Variants in KYNU observed in about 807,000 individuals in gnomAD.
KYNU encodes L-kynurenine hydrolase.
KYNU carries 54 observed loss-of-function variants against 59.2 expected under a neutral mutation model. That is an observed-to-expected ratio of 0.91 (90% CI 0.73 to 1.14). The LOEUF (loss-of-function observed/expected upper bound fraction) is 1.14. Among genes scored for constraint, KYNU ranks in the 50% most tolerant of loss-of-function variants. KYNU has a pLI of 0.00. For synonymous variants in KYNU, 177 were observed against 192.0 expected, an observed-to-expected ratio of 0.92 and a Z score of 0.65; for missense variants, 567 against 554.4, an observed-to-expected ratio of 1.02 and a Z score of -0.23.
intron 10 of KYNU, among the ~76,000 whole-genome samples, chr2:143,006,054 C>T (rs1434170175): frequency 6.6e-6 from 1 of 152,120 alleles, no homozygotes; most frequent in African/African-American, 2.4e-5. Context: ...AGGGAGGAGC[C>T]AAGATGGCCG....
chr2:142,906,036 C>T (rs1335073619), intron 2 of KYNU, among the ~76,000 whole-genome samples: 2 of 151,220 alleles, frequency 1.3e-5, no homozygotes, highest in African/African-American at 4.9e-5. Context: ...CTTTCTCTCC[C>T]TTTTCTCTCT....
intron 10 of KYNU, among the ~76,000 whole-genome samples, chr2:142,991,013 A>T (rs1685384258): frequency 6.6e-6 from 1 of 151,930 alleles, no homozygotes; most frequent in Non-Finnish European, 1.5e-5. Flanking sequence ...ATATGCATCA[A>T]ACAATTCCCA....
chr2:142,943,350 A>G (rs151112488), intron 4 of KYNU, among the ~76,000 whole-genome samples: 3,310 of 152,340 alleles, frequency 0.022, 50 homozygotes, highest in Middle Eastern at 0.034. Flanking sequence ...AATTTTAAAA[A>G]GAAGTTACCA....
chr2:142,997,829 C>T (rs1264960036), intron 10 of KYNU, among the ~76,000 whole-genome samples: 1 of 152,034 alleles, frequency 6.6e-6, no homozygotes, highest in African/African-American at 2.4e-5. Context: ...TCATATTGAG[C>T]ATTTTGCTAT....
At chr2:142,949,156 T>C (rs1683901525) in intron 4 of KYNU, among the ~76,000 whole-genome samples, 1 of 152,192 alleles carries the variant, frequency 6.6e-6, no homozygotes. Flanking sequence ...CTTGGGCAGC[T>C]CCACCCCTGT....
chr2:142,999,007 CAAAAAAAAAAAAAA>C (rs59742828), intron 10 of KYNU, among the ~76,000 whole-genome samples: 17,201 of 63,884 alleles, frequency 0.27, 1,456 homozygotes, highest in South Asian at 0.44. Flanking sequence ...GACTCCGTCT[CAAAAAAAAAAAAAA>C]AAAAAAAAAA....
chr2:142,978,183 C>G (rs1684944267), intron 8 of KYNU, among the ~76,000 whole-genome samples: 1 of 152,136 alleles, frequency 6.6e-6, no homozygotes, highest in African/African-American at 2.4e-5. Flanking sequence ...TATTGCTAAT[C>G]ATTTATTCCT....
intron 10 of KYNU, among the ~76,000 whole-genome samples, chr2:143,016,287 T>C (rs1197744006): frequency 6.6e-6 from 1 of 152,234 alleles, no homozygotes; most frequent in African/African-American, 2.4e-5. Flanking sequence ...TATTCAGCTG[T>C]ATTTCAAATT....
chr2:142,892,576 C>T (rs542143827), intron 2 of KYNU, among the ~76,000 whole-genome samples: 99 of 152,036 alleles, frequency 6.5e-4, no homozygotes, highest in African/African-American at 2.2e-3. Context: ...TAAATGAGTG[C>T]GTGTGGGTAC....
intron 8 of KYNU, among the ~76,000 whole-genome samples, chr2:142,977,081 T>C (rs1684906254): frequency 6.6e-6 from 1 of 152,054 alleles, no homozygotes; most frequent in African/African-American, 2.4e-5. Flanking sequence ...CTTATCAGAC[T>C]TATGGTCTGT....
At chr2:142,916,113 G>T (rs1372255150) in intron 2 of KYNU, among the ~76,000 whole-genome samples, 1 of 152,090 alleles carries the variant, frequency 6.6e-6, no homozygotes, top group African/African-American at 2.4e-5. Context: ...CTGCAAAATT[G>T]TAAGACAATA....
At chr2:142,963,987 G>A (rs1458809647) in intron 8 of KYNU, among the ~76,000 whole-genome samples, 1 of 152,006 alleles carries the variant, frequency 6.6e-6, no homozygotes, top group East Asian at 1.9e-4. Context: ...TTTGGATTTT[G>A]GAGCCTTTCA....
intron 2 of KYNU, among the ~76,000 whole-genome samples, chr2:142,905,762 G>T (rs1367378295): frequency 6.6e-6 from 1 of 152,146 alleles, no homozygotes; most frequent in Non-Finnish European, 1.5e-5. Context: ...GCCATTTGTG[G>T]GTTACTGGGT....
At chr2:142,964,288 A>G (rs1171895701) in intron 8 of KYNU, among the ~76,000 whole-genome samples, 3 of 152,146 alleles carry the variant, frequency 2.0e-5, no homozygotes, top group African/African-American at 7.2e-5. Flanking sequence ...ATACATTCAT[A>G]TACATTTCTG....
chr2:142,912,460 A>G (rs1281441775), intron 2 of KYNU, among the ~76,000 whole-genome samples: 1 of 145,612 alleles, frequency 6.9e-6, no homozygotes, highest in African/African-American at 2.6e-5. Flanking sequence ...GCTCACCACA[A>G]CCTCTGCATC....
chr2:143,039,019 A>G (rs1686964078), intron 12 of KYNU, among the ~76,000 whole-genome samples: 3 of 152,096 alleles, frequency 2.0e-5, no homozygotes, highest in South Asian at 2.1e-4. Context: ...ATAAGCCAGA[A>G]AAGCACATCT....
chr2:142,911,647 G>C (rs934168421), intron 2 of KYNU, among the ~76,000 whole-genome samples: 3 of 152,142 alleles, frequency 2.0e-5, no homozygotes, highest in African/African-American at 7.2e-5. Context: ...AATACCTCCA[G>C]CTTTTATTCA....
intron 8 of KYNU, among the ~76,000 whole-genome samples, chr2:142,973,268 T>C (rs1684786114): frequency 6.6e-6 from 1 of 152,040 alleles, no homozygotes; most frequent in Non-Finnish European, 1.5e-5. Context: ...CTTGAGAATA[T>C]TGAAAACTCA....
intron 10 of KYNU, among the ~76,000 whole-genome samples, chr2:142,991,574 A>G (rs893987847): frequency 2.0e-5 from 3 of 151,888 alleles, no homozygotes; most frequent in Admixed American, 2.0e-4. Context: ...TCTCAGCCAT[A>G]TATAATTGGC....
Sources: allele counts gnomAD v4.1 joint callset (sites outside exome capture counted in the v4.1 genomes callset), GRCh38; gene constraint gnomAD v4.1.1; transcripts MANE v1.5; gene names NCBI Gene and HGNC (gene_info 2026-07-23, HGNC 2026-07-21).